NOS1: variants seen among roughly 807,000 people sequenced by gnomAD.
NOS1 encodes the protein nitric oxide synthase 1.
NOS1 carries 51 observed loss-of-function variants against 164.5 expected under a neutral mutation model. That is an observed-to-expected ratio of 0.31 (90% confidence interval 0.25 to 0.39). The LOEUF is 0.39. Among genes scored for constraint, NOS1 ranks in the 10% least tolerant of loss-of-function variants. NOS1 has a pLI of 1.00. For missense variants in NOS1, 1,362 were observed against 1,885.6 expected, an observed-to-expected ratio of 0.72 and a Z score of 5.14; for synonymous variants, 719 against 745.8, an observed-to-expected ratio of 0.96 and a Z score of 0.59.
chr12:117,308,549 A>G (rs1874268753), intron 3 of NOS1, among the ~76,000 whole-genome samples: 1 of 151,520 alleles, frequency 6.6e-6, no homozygotes, highest in Non-Finnish European at 1.5e-5. Flanking sequence ...AAAAACAACA[A>G]ACAAACAAAA....
chr12:117,282,125 C>G (rs1873724250), intron 7 of NOS1, among the ~76,000 whole-genome samples: 1 of 151,680 alleles, frequency 6.6e-6, no homozygotes, highest in African/African-American at 2.4e-5. Flanking sequence ...GCCCTGGTCT[C>G]TATGTTAAAA....
At chr12:117,292,130 G>C (rs916560330) in intron 3 of NOS1, among the ~76,000 whole-genome samples, 2 of 152,190 alleles carry the variant, frequency 1.3e-5, no homozygotes, top group African/African-American at 4.8e-5. Context: ...TGGGGATTCA[G>C]CAGTGAAGAA....
intron 20 of NOS1, among the ~76,000 whole-genome samples, chr12:117,237,428 G>A (rs922593453): frequency 6.6e-6 from 1 of 151,992 alleles, no homozygotes; most frequent in African/African-American, 2.4e-5. Context: ...ACCACGCCTG[G>A]CCTATTTTTT....
chr12:117,342,469 G>A (rs10507279), intron 1 of NOS1, among the ~76,000 whole-genome samples: 17,053 of 152,114 alleles, frequency 0.11, 1,336 homozygotes, highest in Non-Finnish European at 0.17. Flanking sequence ...GAGTTGGCCA[G>A]ATAAGAAGGT....
At chr12:117,344,987 G>A (rs1876278189) in intron 1 of NOS1, among the ~76,000 whole-genome samples, 2 of 150,446 alleles carry the variant, frequency 1.3e-5, no homozygotes, top group Non-Finnish European at 3.0e-5. Context: ...GGGCTATTAT[G>A]ATTAATTCTT....
intron 1 of NOS1, among the ~76,000 whole-genome samples, chr12:117,357,941 G>A (rs1340878293): frequency 2.0e-5 from 3 of 152,142 alleles, no homozygotes; most frequent in Non-Finnish European, 4.4e-5. Context: ...ATTAAAATGG[G>A]TCCTGAAATG....
chr12:117,264,146 A>G (rs936057203), intron 12 of NOS1, among the ~76,000 whole-genome samples, 172 bp from the exon 13 acceptor site: 1,186 of 113,254 alleles, frequency 0.01, no homozygotes, highest in African/African-American at 0.016. Context: ...GGTTGGGGGG[A>G]GGGGGGGGGT....
intron 2 of NOS1, among the ~76,000 whole-genome samples, chr12:117,313,782 G>GCC (rs537125476): frequency 8.6e-4 from 131 of 152,254 alleles, no homozygotes; most frequent in African/African-American, 2.9e-3. Flanking sequence ...TCTACTCTCT[G>GCC]AATACTGCCC....
intron 2 of NOS1, among the ~76,000 whole-genome samples, chr12:117,324,940 G>C (rs1875170308): frequency 6.6e-6 from 1 of 152,220 alleles, no homozygotes; most frequent in Admixed American, 6.5e-5. Context: ...TCCCATGGGG[G>C]AATGGAAGAG....
chr12:117,235,653 G>C (rs764490674), intron 20 of NOS1, among the ~76,000 whole-genome samples: 1 of 152,202 alleles, frequency 6.6e-6, no homozygotes, highest in African/African-American at 2.4e-5. Context: ...TAACCTTTCT[G>C]CATTGATTTT....
intron 23 of NOS1, 84 bp downstream of exon 23, chr12:117,227,347 C>T: frequency 7.8e-7 from 1 of 1,288,834 alleles, no homozygotes; most frequent in Non-Finnish European, 1.1e-6. Context: ...GGGATTTAGC[C>T]TGCAGACGGT....
chr12:117,260,814 T>C (rs1871840570), intron 13 of NOS1, among the ~76,000 whole-genome samples: 1 of 100,684 alleles, frequency 9.9e-6, no homozygotes, highest in Non-Finnish European at 1.8e-5. Flanking sequence ...ATTAAATCCT[T>C]TATTTTATTT....
Position 117,208,652 on chromosome 12 carries a change from T to A in NOS1, c.*6657A>T. On this transcript the variant is annotated 3_prime_UTR_variant, in exon 29 of 29. Coordinates refer to ENST00000317775, the MANE Select transcript of NOS1 (RefSeq NM_000620.5). ...CTCAAGAGCACTGGATCTCAGTGAG[T>A]CTTAATCAGAACCAACACCAAGGAC... is the stretch of plus-strand genomic sequence containing the variant. The A allele has an allele frequency of 8.8e-7, 1 of 1,142,048 alleles. No homozygotes were observed. The highest frequency in any genetic ancestry group is 1.1e-6 in the Non-Finnish European group (1 of 917,482). The allele number at this position is 1,142,048 out of a possible 1,614,324, so 70.7% of individuals were successfully genotyped here. A position where few individuals can be genotyped will look rare whatever the true frequency, so the allele number is the denominator to read the frequency against.
Position 117,286,126 on chromosome 12 carries a change from C to T in NOS1, c.1268G>A (p.Arg423Lys). ...TACCTGCAGCTTGGACCACTGGATC[C>T]TGCCCACACAGCGCGAGGCATTCCG... ...AWRNASRCVG[R>K]IQWSKLQVFD... Residue 423 changes from arginine to lysine, a missense_variant, in exon 6 of 29, where the codon AGG becomes AAG. This residue lies in a region of NOS1 where 129 missense variants were observed against 186.0 expected (regional missense o/e 0.69). Transcript: ENST00000317775. 1 of 1,614,186 alleles carries T rather than the reference C, an allele frequency of 6.2e-7. No homozygotes were observed. Among genetic ancestry groups the T allele is most frequent in the Non-Finnish European group, 8.5e-7 (1 of 1,180,044 alleles).
chr12:117,342,712 AT>A (rs1876171655), intron 1 of NOS1, among the ~76,000 whole-genome samples: 2 of 152,136 alleles, frequency 1.3e-5, no homozygotes, highest in Admixed American at 1.3e-4. Context: ...CAGTGGTCAG[AT>A]TTAGATTTTA....
chr12:117,235,193 CAAGT>C (rs1869600886), intron 20 of NOS1, among the ~76,000 whole-genome samples: 1 of 152,072 alleles, frequency 6.6e-6, no homozygotes, highest in Non-Finnish European at 1.5e-5. Context: ...GCTAGGATTA[CAAGT>C]AAGGGCCACA....
intron 19 of NOS1, 150 bp from the exon 20 acceptor site, chr12:117,242,855 A>T: frequency 1.5e-6 from 1 of 672,248 alleles, no homozygotes; most frequent in South Asian, 1.7e-5. Flanking sequence ...GTTCAAGACC[A>T]GCCTGGGAAA....
chr12:117,208,662 AACCAAC>A lies in NOS1; in HGVS notation c.*6641_*6646del. 2 of 1,114,496 alleles carry A rather than the reference AACCAAC, an allele frequency of 1.8e-6. No individual in the cohort carries two copies. Among genetic ancestry groups the A allele is most frequent in the Non-Finnish European group, 2.2e-6 (2 of 902,834 alleles). 69.0% of individuals were successfully genotyped at this position (1,114,496 alleles called of 1,614,324 possible). A position where few individuals can be genotyped will look rare whatever the true frequency, so the allele number is the denominator to read the frequency against. On this transcript the variant is annotated 3_prime_UTR_variant, in exon 29 of 29. Transcript: ENST00000317775. ...CTGGATCTCAGTGAGTCTTAATCAG[AACCAAC>A]ACCAAGGACACAGTGTCTTATTGAA...
rs74427117 is a variant in NOS1 at position 117,220,188 on chromosome 12, C to T, written c.4057G>A (p.Val1353Ile). The change falls in exon 27 of 29, where the codon GTC becomes ATC. Residue 1353 changes from valine to isoleucine, a missense_variant. Val to Ile is a conservative substitution (Grantham distance 29). Coordinates refer to ENST00000317775, the MANE Select transcript of NOS1 (RefSeq NM_000620.5). ...ALKEQGGHIY[V>I]CGDVTMAADV... ...GCAGCCATGGTGACGTCCCCACAGA[C>T]GTATATGTGGCCCCCTTGCTCCTTC... The T allele has an allele frequency of 1.3e-3, 2,089 of 1,613,978 alleles. 3 individuals are homozygous for T. The highest frequency in any genetic ancestry group is 1.6e-3 in the Non-Finnish European group (1,930 of 1,180,002).
Sources: allele counts gnomAD v4.1 joint callset (sites outside exome capture counted in the v4.1 genomes callset), GRCh38; gene constraint gnomAD v4.1.1; regional missense constraint gnomAD v4.1.1; transcripts MANE v1.5; gene names NCBI Gene and HGNC (gene_info 2026-07-23, HGNC 2026-07-21).